Variants in ALK observed in about 807,000 individuals in gnomAD.
ALK encodes the protein ALK tyrosine kinase receptor.
Under a neutral mutation model 163.1 loss-of-function variants are expected in ALK, and 74 were observed. The observed-to-expected ratio is 0.45, with a 90% CI of 0.38 to 0.55. The LOEUF (loss-of-function observed/expected upper bound fraction) is 0.55, where lower values mean the gene tolerates loss of function less well. Ranked by LOEUF, ALK falls within the 20% of genes least tolerant of loss-of-function variation. ALK has a pLI of 0.00. For synonymous variants in ALK, 960 were observed against 843.2 expected (o/e 1.14, Z -2.40); for missense variants, 2,063 against 2,105.3 (o/e 0.98, Z 0.39).
At chr2:29,674,908 T>G (rs1488333388) in intron 3 of ALK, among the ~76,000 whole-genome samples, 2 of 118,718 alleles carry the variant, frequency 1.7e-5, no homozygotes, top group African/African-American at 7.1e-5. Context: ...CTTGGGAGAG[T>G]GTATGTGTCG....
intron 15 of ALK, among the ~76,000 whole-genome samples, chr2:29,230,030 A>C (rs1165247034): frequency 6.6e-6 from 1 of 152,212 alleles, no homozygotes; most frequent in Non-Finnish European, 1.5e-5. Context: ...ATTCCAGGAT[A>C]TCCCCTATGC....
At chr2:29,872,782 T>C (rs184638653) in intron 1 of ALK, among the ~76,000 whole-genome samples, 197 of 152,334 alleles carry the variant, frequency 1.3e-3, no homozygotes, top group Non-Finnish European at 2.2e-3. Flanking sequence ...TAAGGTCTCT[T>C]ATAACTATGT....
chr2:29,639,389 C>T (rs756270208), intron 3 of ALK, among the ~76,000 whole-genome samples: 6 of 152,150 alleles, frequency 3.9e-5, no homozygotes, highest in Non-Finnish European at 8.8e-5. Context: ...GCCAGGACCA[C>T]CCACAGATAG....
chr2:29,462,381 A>C (rs1165434556), intron 4 of ALK, among the ~76,000 whole-genome samples: 2 of 152,188 alleles, frequency 1.3e-5, no homozygotes, highest in Admixed American at 1.3e-4. Context: ...AGGAAGAGTT[A>C]GTTGATGCAG....
intron 5 of ALK, among the ~76,000 whole-genome samples, chr2:29,363,913 G>T (rs1383227850): frequency 2.6e-5 from 4 of 152,172 alleles, no homozygotes; most frequent in Non-Finnish European, 5.9e-5. Flanking sequence ...TGGGCATGAG[G>T]TGGCATCCCC....
At chr2:29,580,659 C>A (rs940660852) in intron 3 of ALK, among the ~76,000 whole-genome samples, 1 of 152,216 alleles carries the variant, frequency 6.6e-6, no homozygotes, top group Non-Finnish European at 1.5e-5. Flanking sequence ...CATGTAGGTG[C>A]AAGGGCTGTG....
At chr2:29,673,218 T>C (rs1171968256) in intron 3 of ALK, among the ~76,000 whole-genome samples, 1 of 137,342 alleles carries the variant, frequency 7.3e-6, no homozygotes. Flanking sequence ...TTTGTTGCCA[T>C]TGCTTTTGGT....
Position 29,905,562 on chromosome 2 carries a change from A to G in ALK, c.667+14431T>C, listed in dbSNP as rs113866674. 3.3e-5 allele frequency among the ~76,000 whole-genome samples: 5 copies of G among 150,504 alleles called. 1 individual carries two copies. Among genetic ancestry groups the G allele is most frequent in the African/African-American group, 1.2e-4 (5 of 41,144 alleles). On this transcript the variant is annotated intron_variant, in intron 1 of 28. Coordinates refer to ENST00000389048, the MANE Select transcript of ALK (RefSeq NM_004304.5). The stretch of plus-strand genomic sequence containing the variant: ...GAGAAGGAGGGAAAGGGAAAAGGAA[A>G]GGGAAAGGGAAGGGAAGGGGCAAGG...
chr2:29,531,342 G>A (rs1187476282), intron 4 of ALK, among the ~76,000 whole-genome samples: 2 of 152,080 alleles, frequency 1.3e-5, no homozygotes, highest in East Asian at 3.9e-4. Flanking sequence ...ATGGATCACT[G>A]AGTAAGCAAG....
chr2:29,533,323 A>G (rs565634303), intron 3 of ALK, among the ~76,000 whole-genome samples: 1 of 152,322 alleles, frequency 6.6e-6, no homozygotes, highest in East Asian at 1.9e-4. Context: ...AGAGGAAAAG[A>G]AAAGGGATTA....
chr2:29,832,926 G>T (rs1665458394), intron 1 of ALK, among the ~76,000 whole-genome samples: 1 of 152,238 alleles, frequency 6.6e-6, no homozygotes, highest in Non-Finnish European at 1.5e-5. Flanking sequence ...CGGCAGTTGA[G>T]CTGGGCTCTA....
chr2:29,628,107 T>C (rs902545102), intron 3 of ALK, among the ~76,000 whole-genome samples: 1 of 152,234 alleles, frequency 6.6e-6, no homozygotes, highest in African/African-American at 2.4e-5. Context: ...CCCAGCTATG[T>C]GTAAAGTTAA....
Position 29,232,359 on chromosome 2 carries a change from C to G in ALK, c.2577G>C (p.Glu859Asp), listed in dbSNP as rs61754865. Residue 859 changes from glutamate (E) to aspartate (D), a missense_variant, in exon 15 of 29, where the codon GAG (glutamate) becomes GAC (aspartate). Glu to Asp is a conservative substitution (Grantham distance 45, BLOSUM62 2). This residue lies in a region of ALK where 575 missense variants were observed against 626.6 expected (regional missense o/e 0.92). Transcript: ENST00000389048. ...GAACCGAGGAGTTATTCTCCAGTCT[C>G]TCTGGGTGGAACGTGTCTGTCTTGG... is the stretch of plus-strand genomic sequence containing the variant. ...YGAKTDTFHPERLENNSSVLG... is the reference protein window; with the variant it reads ...YGAKTDTFHPDRLENNSSVLG... The G allele has an allele frequency of 2.1e-4, 340 of 1,614,268 alleles. 4 individuals are homozygous for G. The African/African-American group carries it at 3.8e-3, about 18-fold the overall frequency.
intron 1 of ALK, among the ~76,000 whole-genome samples, chr2:29,847,292 G>A (rs541164257): frequency 1.6e-4 from 25 of 152,256 alleles, no homozygotes; most frequent in African/African-American, 6.0e-4. Context: ...GGTGGTGGTA[G>A]GGACGTGTTG....
chr2:29,253,876 ATAGATAGATAGATAGATAGG>A (rs1221984998), intron 11 of ALK, among the ~76,000 whole-genome samples: 37 of 148,232 alleles, frequency 2.5e-4, no homozygotes, highest in African/African-American at 9.8e-4. Context: ...AGATAGATAG[ATAGATAGATAGATAGATAGG>A]TAGATAGCTG....
chr2:29,644,211 A>G (rs1360630085), intron 3 of ALK, among the ~76,000 whole-genome samples: 3 of 127,028 alleles, frequency 2.4e-5, no homozygotes, highest in African/African-American at 8.9e-5. Flanking sequence ...GAACACATGG[A>G]CACAGGAAGG....
chr2:29,860,116 T>C (rs1005244435), intron 1 of ALK, among the ~76,000 whole-genome samples: 2 of 152,162 alleles, frequency 1.3e-5, no homozygotes, highest in Admixed American at 6.5e-5. Flanking sequence ...CACAAAGACC[T>C]ACATGGCTAG....
chr2:29,305,117 G>T (rs945741515), intron 8 of ALK, among the ~76,000 whole-genome samples: 1 of 152,204 alleles, frequency 6.6e-6, no homozygotes, highest in Non-Finnish European at 1.5e-5. Context: ...TCAGTGAGGG[G>T]TCCATTTTCA....
chr2:29,816,431 CTTATTA>C (rs944449397), intron 1 of ALK, among the ~76,000 whole-genome samples: 17 of 151,866 alleles, frequency 1.1e-4, no homozygotes, highest in Non-Finnish European at 2.1e-4. Context: ...TCCAATAGAC[CTTATTA>C]TTATTATTAT....
Sources: allele counts gnomAD v4.1 joint callset (sites outside exome capture counted in the v4.1 genomes callset), GRCh38; gene constraint gnomAD v4.1.1; regional missense constraint gnomAD v4.1.1; transcripts MANE v1.5; gene names NCBI Gene and HGNC (gene_info 2026-07-23, HGNC 2026-07-21).